Variants in PCDHAC1 observed in about 807,000 individuals in gnomAD.
PCDHAC1 encodes protocadherin alpha-C1.
PCDHAC1 carries 42 observed loss-of-function variants against 60.0 expected under a neutral mutation model. The ratio of observed to expected loss-of-function variants is 0.70; its 90% confidence interval spans 0.55 to 0.90. The LOEUF (loss-of-function observed/expected upper bound fraction) is 0.90, where lower values mean the gene tolerates loss of function less well. Ranked by LOEUF, PCDHAC1 falls within the 40% of genes least tolerant of loss-of-function variation. The probability of loss-of-function intolerance (pLI) is 0.00; values close to 1 mark genes in which losing one functional copy is unlikely to be tolerated. For missense variants in PCDHAC1, 1,160 were observed against 1,222.3 expected, an observed-to-expected ratio of 0.95 and a Z score of 0.76; for synonymous variants, 468 against 499.3, an observed-to-expected ratio of 0.94 and a Z score of 0.84.
chr5:140,928,474 C>T lies in PCDHAC1; in HGVS notation c.1582C>T (p.Arg528Trp). The change falls in exon 1 of 4, where the codon CGG becomes TGG. Residue 528 changes from arginine (R) to tryptophan (W), a missense_variant. By Grantham distance (101) the Arg-to-Trp change is moderately radical (BLOSUM62 -3). Around this residue, in one of 3 missense-constraint regions of PCDHAC1, gnomAD observed 1,113 missense variants for 1,163.7 expected, o/e 0.96. Transcript: ENST00000253807. ...LRGFHFQVEGRDGGIPPRSAT... is the reference protein window; with the variant it reads ...LRGFHFQVEGWDGGIPPRSAT... ...GGGGTTTCATTTCCAAGTAGAAGGC[C>T]GGGATGGTGGCATTCCTCCCAGAAG... 6.2e-7 allele frequency: 1 copy of T among 1,614,090 alleles called. No homozygotes were observed. Among genetic ancestry groups the T allele is most frequent in the Non-Finnish European group, 8.5e-7 (1 of 1,180,018 alleles).
chr5:140,931,993 T>C (rs1350907359), intron 1 of PCDHAC1, among the ~76,000 whole-genome samples: 8 of 152,090 alleles, frequency 5.3e-5, no homozygotes, highest in Admixed American at 3.3e-4. Context: ...GCTCAAATTC[T>C]AAGTTCTTTC....
At chr5:140,950,050 T>C (rs1554219269) in intron 1 of PCDHAC1, among the ~76,000 whole-genome samples, 3 of 151,956 alleles carry the variant, frequency 2.0e-5, no homozygotes, top group Admixed American at 6.6e-5. Context: ...CATATAAGAC[T>C]ATTTAGCTCT....
chr5:140,943,998 G>C (rs2093593066), intron 1 of PCDHAC1, among the ~76,000 whole-genome samples: 1 of 152,178 alleles, frequency 6.6e-6, no homozygotes, highest in Non-Finnish European at 1.5e-5. Context: ...CAGAACTACT[G>C]AGTACCCCCC....
intron 3 of PCDHAC1, among the ~76,000 whole-genome samples, chr5:140,997,576 G>A (rs528258685): frequency 5.9e-5 from 9 of 152,166 alleles, no homozygotes; most frequent in African/African-American, 2.4e-5. Flanking sequence ...TGTGTGGTCC[G>A]TTGTTGACTG....
intron 1 of PCDHAC1, among the ~76,000 whole-genome samples, chr5:140,933,797 A>G (rs1419925900): frequency 6.6e-6 from 1 of 152,062 alleles, no homozygotes; most frequent in African/African-American, 2.4e-5. Context: ...GAAAATTTTA[A>G]TTGAGATCAA....
intron 3 of PCDHAC1, among the ~76,000 whole-genome samples, chr5:141,003,377 T>C (rs2098121331): frequency 6.6e-6 from 1 of 152,180 alleles, no homozygotes; most frequent in African/African-American, 2.4e-5. Context: ...AGTGGTGCAA[T>C]CTCAGCTCAC....
In PCDHAC1 at chr5:140,968,565, C is replaced by T. The variant is rs532751675; in HGVS notation, c.2434-10384C>T. ...GAGATGGTGCCTCGAACTGCCCCTG[C>T]TGGCTACCTGGTCACCAAAGTCATA... is the stretch of plus-strand genomic sequence containing the variant. On this transcript the variant is annotated intron_variant, in intron 1 of 3. Coordinates refer to ENST00000253807, the MANE Select transcript of PCDHAC1 (RefSeq NM_018898.5). 4.3e-6 allele frequency: 7 copies of T among 1,614,206 alleles called. No homozygotes were observed. The African/African-American group carries it at 6.7e-5, about 15-fold the overall frequency.
intron 1 of PCDHAC1, among the ~76,000 whole-genome samples, chr5:140,947,681 C>T (rs976876831): frequency 3.3e-5 from 5 of 151,572 alleles, no homozygotes; most frequent in Non-Finnish European, 5.9e-5. Context: ...AAAAAATTGT[C>T]TCAGCATGTT....
At chr5:141,008,435 G>C (rs2098377041) in intron 3 of PCDHAC1, among the ~76,000 whole-genome samples, 1 of 152,160 alleles carries the variant, frequency 6.6e-6, no homozygotes, top group South Asian at 2.1e-4. Context: ...ACTTTGCCCA[G>C]ACAGACCATT....
intron 3 of PCDHAC1, among the ~76,000 whole-genome samples, chr5:141,002,953 T>G (rs2098104496): frequency 1.3e-5 from 2 of 152,230 alleles, no homozygotes; most frequent in Non-Finnish European, 2.9e-5. Context: ...CATGCCCCTC[T>G]GAGAGCTTTC....
chr5:140,957,954 T>G (rs2095401085), intron 1 of PCDHAC1, among the ~76,000 whole-genome samples: 2 of 152,138 alleles, frequency 1.3e-5, no homozygotes, highest in Admixed American at 1.3e-4. Context: ...TTAAGACTAT[T>G]AATTCAGAGA....
intron 2 of PCDHAC1, among the ~76,000 whole-genome samples, chr5:140,979,626 A>T (rs2096859120): frequency 2.0e-5 from 3 of 152,204 alleles, no homozygotes; most frequent in Non-Finnish European, 4.4e-5. Flanking sequence ...TTAGTCTAAG[A>T]CTCAGATTAA....
At chr5:140,941,219 C>CTTTCTTTCTT (rs1563186292) in intron 1 of PCDHAC1, among the ~76,000 whole-genome samples, 18 of 125,974 alleles carry the variant, frequency 1.4e-4, no homozygotes, top group African/African-American at 4.5e-4. Context: ...TTCTTCCTTT[C>CTTTCTTTCTT]TTTCTTTCTT....
At position 140,926,799 on chromosome 5, in the gene PCDHAC1, T is replaced by A; in HGVS notation, c.-94T>A. 1.4e-6 allele frequency: 2 copies of A among 1,456,322 alleles called. No homozygotes were observed. Among genetic ancestry groups the A allele is most frequent in the Non-Finnish European group, 1.8e-6 (2 of 1,107,476 alleles). The allele number at this position is 1,456,322 out of a possible 1,614,324, so 90.2% of individuals were successfully genotyped here. ...AGTGACGGCCGGCAGGAGCGTGCTC[T>A]TCCCCGCGGCTCGTGCTCTCCAGGA... is the stretch of plus-strand genomic sequence containing the variant. On this transcript the variant is annotated 5_prime_UTR_variant, in exon 1 of 4. Coordinates refer to ENST00000253807, the MANE Select transcript of PCDHAC1 (RefSeq NM_018898.5).
intron 1 of PCDHAC1, among the ~76,000 whole-genome samples, chr5:140,960,639 C>T (rs1184483884): frequency 5.9e-5 from 9 of 152,058 alleles, no homozygotes; most frequent in Admixed American, 5.9e-4. Flanking sequence ...ATTTTTAAAA[C>T]CCCTATCCAA....
chr5:140,991,981 T>TACC (rs1311484629), intron 3 of PCDHAC1, among the ~76,000 whole-genome samples: 8 of 152,126 alleles, frequency 5.3e-5, no homozygotes, highest in Admixed American at 2.0e-4. Flanking sequence ...TTATTCTGCC[T>TACC]ACCACCCGGT....
chr5:140,926,964 C>T lies in PCDHAC1; in HGVS notation c.72C>T (p.Tyr24=), dbSNP rs149218057. 6.2e-7 allele frequency: 1 copy of T among 1,606,346 alleles called. No individual in the cohort carries two copies. The highest frequency in any genetic ancestry group is 8.5e-7 in the Non-Finnish European group (1 of 1,174,928). ...GCGCTGCAGCGGGACAGCTCGAGTA[C>T]TCAGTGCCGGAGGAGACGGAGCGGG... is the stretch of plus-strand genomic sequence containing the variant. ...SCGAAAGQLE[Y]SVPEETERGV... Residue 24 remains tyrosine, a synonymous_variant, in exon 1 of 4, where the codon TAC becomes TAT. Coordinates refer to ENST00000253807, the MANE Select transcript of PCDHAC1 (RefSeq NM_018898.5).
chr5:140,976,427 T>C (rs2096715861), intron 1 of PCDHAC1, among the ~76,000 whole-genome samples: 1 of 152,064 alleles, frequency 6.6e-6, no homozygotes, highest in Admixed American at 6.5e-5. Flanking sequence ...GGCAGATGCC[T>C]GTAATCCCAG....
At position 140,927,289 on chromosome 5, in the gene PCDHAC1, A is replaced by G; in HGVS notation, c.397A>G (p.Ile133Val). ...LFPAGDVQLH[I>V]PEFLTPGARF... The stretch of plus-strand genomic sequence containing the variant: ...TCCTGCCGGCGACGTGCAGCTGCAC[A>G]TCCCCGAGTTCCTGACGCCCGGAGC... The change falls in exon 1 of 4, where the codon ATC (isoleucine) becomes GTC (valine). Residue 133 changes from isoleucine (I) to valine (V), a missense_variant. Physicochemically the swap from Ile to Val is conservative, Grantham distance 29. This residue lies in a region of PCDHAC1 where 1,113 missense variants were observed against 1,163.7 expected (regional missense o/e 0.96). Coordinates refer to ENST00000253807, the MANE Select transcript of PCDHAC1 (RefSeq NM_018898.5). 1 of 1,614,172 alleles carries G rather than the reference A, an allele frequency of 6.2e-7. No homozygotes were observed. The highest frequency in any genetic ancestry group is 8.5e-7 in the Non-Finnish European group (1 of 1,180,024).
Sources: allele counts gnomAD v4.1 joint callset (sites outside exome capture counted in the v4.1 genomes callset), GRCh38; gene constraint gnomAD v4.1.1; regional missense constraint gnomAD v4.1.1; transcripts MANE v1.5; gene names NCBI Gene and HGNC (gene_info 2026-07-23, HGNC 2026-07-21).